Variants in TENM2 observed in about 807,000 individuals in gnomAD.
TENM2 encodes teneurin-2.
A neutral mutation model predicts 245.2 loss-of-function variants in TENM2; 52 were observed. The ratio of observed to expected loss-of-function variants is 0.21; its 90% CI spans 0.17 to 0.27. TENM2 has a LOEUF of 0.27. Among genes scored for constraint, TENM2 ranks in the 10% least tolerant of loss-of-function variants. The pLI is 1.00. For synonymous variants in TENM2, 1,363 were observed against 1,438.9 expected, an observed-to-expected ratio of 0.95 and a Z score of 1.19; for missense variants, 3,046 against 3,666.8, an observed-to-expected ratio of 0.83 and a Z score of 4.37.
the TENM2 span, among the ~76,000 whole-genome samples, chr5:167,064,905 G>A: frequency 1.3e-5 from 2 of 152,062 alleles, no homozygotes; most frequent in Non-Finnish European, 2.9e-5. Context: ...GGAGAGTAAC[G>A]AAAGGGATGA....
At chr5:167,981,005 T>C (rs994252254) in intron 4 of TENM2, among the ~76,000 whole-genome samples, 1 of 152,102 alleles carries the variant, frequency 6.6e-6, no homozygotes, top group Non-Finnish European at 1.5e-5. Flanking sequence ...CTCCCTGAGA[T>C]TGGCCTTCAG....
In TENM2 at chr5:167,293,472, G is replaced by A. The variant is rs192204295; in HGVS notation, c.226+8409G>A. On this transcript the variant is annotated intron_variant, in intron 1 of 28. Transcript: ENST00000518659. ...TGATCTTAGGTGATCCACCCGCCTC[G>A]GGCTTCCAAAGTGCTGGGATTACAG... Among the ~76,000 whole-genome samples the A allele has an allele frequency of 3.3e-5, 5 of 150,372 alleles. 1 individual carries two copies. The highest frequency in any genetic ancestry group is 9.8e-5 in the African/African-American group (4 of 40,844).
the TENM2 span, among the ~76,000 whole-genome samples, chr5:167,098,767 A>G: frequency 5.9e-5 from 9 of 152,244 alleles, no homozygotes; most frequent in African/African-American, 2.2e-4. Context: ...CAATAGACAG[A>G]AACCAAAGTG....
At chr5:167,765,700 A>G (rs972496581) in intron 2 of TENM2, among the ~76,000 whole-genome samples, 6 of 152,316 alleles carry the variant, frequency 3.9e-5, no homozygotes, top group African/African-American at 1.4e-4. Flanking sequence ...TAATGTCAAA[A>G]TTGATCCCAT....
chr5:167,811,458 C>G (rs1430144019), intron 2 of TENM2, among the ~76,000 whole-genome samples: 1 of 152,104 alleles, frequency 6.6e-6, no homozygotes, highest in Non-Finnish European at 1.5e-5. Flanking sequence ...AGTAAAAGCT[C>G]CCTGAGGCCT....
intron 2 of TENM2, among the ~76,000 whole-genome samples, chr5:167,595,575 C>T (rs1776147388): frequency 6.6e-6 from 1 of 152,196 alleles, no homozygotes; most frequent in African/African-American, 2.4e-5. Context: ...TCATGAGATA[C>T]GTCTTGTATT....
the TENM2 span, among the ~76,000 whole-genome samples, chr5:167,197,372 C>G: frequency 6.6e-6 from 1 of 151,996 alleles, no homozygotes; most frequent in African/African-American, 2.4e-5. Flanking sequence ...ATGACTTGTT[C>G]AAGAATCAGT....
intron 1 of TENM2, chr5:167,296,534 C>T (rs559171380): frequency 6.7e-6 from 1 of 149,290 alleles, no homozygotes; most frequent in South Asian, 2.1e-4. Context: ...AGGCATACTA[C>T]TTTAATGTCC....
At chr5:167,186,316 G>T in the TENM2 span, among the ~76,000 whole-genome samples, 14 of 152,204 alleles carry the variant, frequency 9.2e-5, 1 homozygote, top group Admixed American at 9.2e-4. Flanking sequence ...ATGCTGCTGT[G>T]TTTGAAAGAT....
At chr5:167,396,037 A>G (rs1307495430) in intron 2 of TENM2, among the ~76,000 whole-genome samples, 6 of 152,188 alleles carry the variant, frequency 3.9e-5, no homozygotes, top group Admixed American at 1.3e-4. Flanking sequence ...TACAACCACT[A>G]TAGAAAAAAA....
At chr5:168,048,384 C>T (rs953575625) in intron 6 of TENM2, among the ~76,000 whole-genome samples, 9 of 152,104 alleles carry the variant, frequency 5.9e-5, no homozygotes, top group African/African-American at 2.2e-4. Flanking sequence ...TCCATTCTGC[C>T]TTTTAGCATC....
rs74320816 is a variant in TENM2 at position 167,655,674 on chromosome 5, G to C, written c.503-220312G>C. Among the ~76,000 whole-genome samples the C allele has an allele frequency of 6.0e-3, 911 of 152,222 alleles. 5 individuals carry two copies. Among genetic ancestry groups the C allele is most frequent in the African/African-American group, 0.021 (865 of 41,554 alleles). On this transcript the variant is annotated intron_variant, in intron 2 of 28. Coordinates refer to ENST00000518659, the Ensembl canonical transcript of TENM2. Reference sequence around the variant, plus strand: ...TATTCATAGATGTGTAGGTGAATTTGGTAGGAAATAATATTTGGTCTTTCT... The same window carrying C: ...TATTCATAGATGTGTAGGTGAATTTCGTAGGAAATAATATTTGGTCTTTCT...
the TENM2 span, among the ~76,000 whole-genome samples, chr5:167,032,942 A>C: frequency 6.6e-6 from 1 of 152,186 alleles, no homozygotes; most frequent in South Asian, 2.1e-4. Flanking sequence ...TCCCACAGAT[A>C]AAATTCTCAC....
chr5:167,766,434 A>G (rs1181869449), intron 2 of TENM2, among the ~76,000 whole-genome samples: 1 of 152,258 alleles, frequency 6.6e-6, no homozygotes, highest in Non-Finnish European at 1.5e-5. Context: ...AAGTGCAATT[A>G]GAAGCCATCG....
At chr5:167,727,084 A>G (rs961312843) in intron 2 of TENM2, among the ~76,000 whole-genome samples, 2 of 151,046 alleles carry the variant, frequency 1.3e-5, no homozygotes, top group African/African-American at 4.9e-5. Context: ...TTGCAAAATC[A>G]GTAATGAATC....
chr5:167,505,945 C>A (rs2127562386), intron 2 of TENM2, among the ~76,000 whole-genome samples: 1 of 152,130 alleles, frequency 6.6e-6, no homozygotes. Context: ...CTTTGAGAGG[C>A]TAAGGTAGGA....
the TENM2 span, among the ~76,000 whole-genome samples, chr5:166,996,129 G>T: frequency 1.3e-5 from 2 of 152,140 alleles, no homozygotes; most frequent in South Asian, 4.2e-4. Context: ...AGATCACCAG[G>T]TCAGGAGATC....
intron 2 of TENM2, among the ~76,000 whole-genome samples, chr5:167,499,298 G>C (rs1769019865): frequency 6.6e-6 from 1 of 152,176 alleles, no homozygotes. Context: ...TGGAGAAGTT[G>C]AGCAAAGGGG....
intron 4 of TENM2, among the ~76,000 whole-genome samples, chr5:167,985,968 G>T (rs1030890734): frequency 2.0e-5 from 3 of 152,226 alleles, no homozygotes; most frequent in African/African-American, 7.2e-5. Context: ...AGCTCCTTCT[G>T]TATCATAAGA....
Sources: gnomAD v4.1 joint callset for allele counts (sites outside exome capture counted in the v4.1 genomes callset) on GRCh38, gnomAD v4.1.1 for gene constraint, MANE v1.5 for transcripts, NCBI Gene and HGNC (gene_info 2026-07-23, HGNC 2026-07-21) for gene names.